Variants in SGK3 observed in about 807,000 individuals in gnomAD.
The protein encoded by SGK3 is serum/glucocorticoid regulated kinase family member 3.
In SGK3, 47 loss-of-function variants were observed where a neutral mutation model predicts 68.5. That is an observed-to-expected ratio of 0.69 (90% CI 0.54 to 0.87). The LOEUF (loss-of-function observed/expected upper bound fraction) is 0.87. Among genes scored for constraint, SGK3 ranks in the 40% least tolerant of loss-of-function variants. The pLI, the probability that SGK3 is intolerant of heterozygous loss-of-function variation, is 0.00. For missense variants in SGK3, 479 were observed against 575.5 expected (o/e 0.83, Z 1.72); for synonymous variants, 181 against 189.1 (o/e 0.96, Z 0.35).
In SGK3 at chr8:66,772,968, C is replaced by CGT. The variant is rs1806564874; in HGVS notation, c.-121-20648_-121-20647insGT. On this transcript the variant is annotated intron_variant, in intron 1 of 16. Coordinates refer to ENST00000521198, the MANE Select transcript of SGK3 (RefSeq NM_001033578.3). The stretch of plus-strand genomic sequence containing the variant: ...AAAACAAAACAAAGTAGCCCTGCTA[C>CGT]ATGGTAACGTGAGTGGTGCAGATCC... Among the ~76,000 whole-genome samples, 9 of 152,286 alleles carry CGT rather than the reference C, an allele frequency of 5.9e-5. No homozygotes were observed. The South Asian group carries it at 1.2e-3, about 21-fold the overall frequency.
intron 8 of SGK3, among the ~76,000 whole-genome samples, chr8:66,833,257 C>T (rs112458542): frequency 0.02 from 3,105 of 152,236 alleles, 110 homozygotes; most frequent in African/African-American, 0.069. Flanking sequence ...CTGCCTGCCT[C>T]GGCCTCCCAA....
chr8:66,793,062 T>C (rs1807530596), intron 1 of SGK3, among the ~76,000 whole-genome samples: 1 of 152,208 alleles, frequency 6.6e-6, no homozygotes, highest in Admixed American at 6.5e-5. Flanking sequence ...GAAGATCTAC[T>C]GTAGTGTCTC....
chr8:66,753,312 C>T (rs1277936180), intron 1 of SGK3, among the ~76,000 whole-genome samples: 1 of 152,152 alleles, frequency 6.6e-6, no homozygotes, highest in Non-Finnish European at 1.5e-5. Flanking sequence ...GCATTTAATG[C>T]ATTTCCATAT....
chr8:66,757,370 G>T (rs1056678013), intron 1 of SGK3, among the ~76,000 whole-genome samples: 5 of 151,268 alleles, frequency 3.3e-5, no homozygotes, highest in Non-Finnish European at 4.4e-5. Flanking sequence ...AACTCCTGGG[G>T]TCAAGTGATT....
At chr8:66,830,046 G>C (rs1256284940) in intron 7 of SGK3, among the ~76,000 whole-genome samples, 1 of 151,854 alleles carries the variant, frequency 6.6e-6, no homozygotes, top group African/African-American at 2.4e-5. Context: ...GTAGAGACAG[G>C]GTTTCACCAT....
chr8:66,736,800 G>A (rs1010371815), intron 1 of SGK3, among the ~76,000 whole-genome samples: 2 of 152,008 alleles, frequency 1.3e-5, no homozygotes, highest in African/African-American at 4.8e-5. Flanking sequence ...TGTATTTTTA[G>A]TAGAGACAGG....
At chr8:66,793,987 G>A (rs78880925) in intron 2 of SGK3, among the ~76,000 whole-genome samples, 155 bp downstream of exon 2, 4,410 of 152,226 alleles carry the variant, frequency 0.029, 232 homozygotes, top group African/African-American at 0.1. Flanking sequence ...AAAGTCTTCT[G>A]TGGCTACCGT....
intron 1 of SGK3, among the ~76,000 whole-genome samples, chr8:66,716,743 A>G (rs1804645281): frequency 6.6e-6 from 1 of 152,220 alleles, no homozygotes; most frequent in East Asian, 1.9e-4. Context: ...GGCCATACAT[A>G]TAGGAAAGAC....
At chr8:66,816,238 A>C (rs185364917) in intron 5 of SGK3, among the ~76,000 whole-genome samples, 7 of 151,236 alleles carry the variant, frequency 4.6e-5, no homozygotes, top group South Asian at 2.1e-4. Context: ...TACTGACCTC[A>C]TGATCTGCCC....
chr8:66,747,071 A>G (rs1585661645), intron 1 of SGK3, among the ~76,000 whole-genome samples: 1 of 151,558 alleles, frequency 6.6e-6, no homozygotes, highest in Non-Finnish European at 1.5e-5. Flanking sequence ...CAAAAAAAAA[A>G]GGGTTTTTTT....
intron 13 of SGK3, among the ~76,000 whole-genome samples, chr8:66,842,553 G>C (rs1809840414): frequency 6.6e-6 from 1 of 152,100 alleles, no homozygotes; most frequent in African/African-American, 2.4e-5. Context: ...ATTTCATATG[G>C]GAAGAGGTAA....
intron 1 of SGK3, among the ~76,000 whole-genome samples, chr8:66,729,464 G>T (rs944004504): frequency 1.4e-5 from 2 of 141,304 alleles, no homozygotes; most frequent in African/African-American, 5.8e-5. Context: ...TCAAAGAAAA[G>T]AAAAAAGAAA....
At chr8:66,824,163 T>A (rs935258649) in intron 6 of SGK3, among the ~76,000 whole-genome samples, 1 of 152,170 alleles carries the variant, frequency 6.6e-6, no homozygotes, top group African/African-American at 2.4e-5. Context: ...TTTACATCTG[T>A]GACATGGTTG....
chr8:66,766,415 C>T lies in SGK3; in HGVS notation c.-121-27201C>T, dbSNP rs1185660513. Among the ~76,000 whole-genome samples, 5 of 151,962 alleles carry T rather than the reference C, an allele frequency of 3.3e-5. No homozygotes were observed. In the East Asian group the frequency reaches 5.8e-4, roughly 18 times the overall value. The stretch of plus-strand genomic sequence containing the variant: ...GCGTGTGCCTGTAGTCTCAGCTACT[C>T]GAGAGGCTGAAGCTGGAGAATTGCT... On this transcript the variant is annotated intron_variant, in intron 1 of 16. Coordinates refer to ENST00000521198, the MANE Select transcript of SGK3 (RefSeq NM_001033578.3).
chr8:66,746,353 C>T lies in SGK3; in HGVS notation c.-122+33520C>T, dbSNP rs574510798. The stretch of plus-strand genomic sequence containing the variant: ...GAGAAAAGATGAAACATCTTTTTGC[C>T]AACATTTCAAAACAAGTCATTTCCT... On this transcript the variant is annotated intron_variant, in intron 1 of 16. Transcript: ENST00000521198. Among the ~76,000 whole-genome samples, 15 of 152,128 alleles carry T rather than the reference C, an allele frequency of 9.9e-5. No individual in the cohort carries two copies. The East Asian group carries it at 2.7e-3, about 27-fold the overall frequency.
At chr8:66,857,799 A>ATG (rs111758415) in intron 16 of SGK3, among the ~76,000 whole-genome samples, 44,859 of 133,150 alleles carry the variant, frequency 0.34, 7,267 homozygotes, top group East Asian at 0.41. Context: ...GTGTGTGTGT[A>ATG]TGTGTGTGTG....
intron 1 of SGK3, among the ~76,000 whole-genome samples, chr8:66,736,210 C>T (rs879322964): frequency 2.0e-5 from 3 of 152,078 alleles, no homozygotes; most frequent in Non-Finnish European, 4.4e-5. Context: ...GCTTAGAATA[C>T]AGTTGGCCCT....
At chr8:66,838,190 C>T (rs539327080) in intron 10 of SGK3, among the ~76,000 whole-genome samples, 5 of 152,228 alleles carry the variant, frequency 3.3e-5, no homozygotes, top group East Asian at 3.9e-4. Flanking sequence ...CTCAACCTCC[C>T]GAGTAGCTGG....
chr8:66,841,088 C>A lies in SGK3; in HGVS notation c.956C>A (p.Thr319Asn). Residue 319 changes from threonine (T) to asparagine (N), a missense_variant, in exon 13 of 17, where the codon ACC becomes AAC. Physicochemically the swap from Thr to Asn is moderately conservative, Grantham distance 65. Transcript: ENST00000521198. The part of the protein sequence containing the change: ...KEGIAISDTT[T>N]TFCGTPEYLA... ...GGAATTGCTATTTCTGACACCACTA[C>A]CACATTTTGTGGGACACCAGAGGTA... 6.3e-7 allele frequency: 1 copy of A among 1,593,156 alleles called. No homozygotes were observed. The highest frequency in any genetic ancestry group is 8.5e-7 in the Non-Finnish European group (1 of 1,170,120).
Sources: gnomAD v4.1 joint callset for allele counts (sites outside exome capture counted in the v4.1 genomes callset) on GRCh38, gnomAD v4.1.1 for gene constraint, MANE v1.5 for transcripts, NCBI Gene and HGNC (gene_info 2026-07-23, HGNC 2026-07-21) for gene names.